The following NCOR2 variants were observed in gnomAD, a reference collection of about 807,000 sequenced individuals.
The protein encoded by NCOR2 is CTG repeat protein 26.
Under a neutral mutation model 262.9 loss-of-function variants are expected in NCOR2, and 81 were observed. The ratio of observed to expected loss-of-function variants is 0.31; its 90% CI spans 0.26 to 0.37. NCOR2 has a LOEUF of 0.37. Among genes scored for constraint, NCOR2 ranks in the 10% least tolerant of loss-of-function variants. The pLI, the probability that NCOR2 is intolerant of heterozygous loss-of-function variation, is 1.00. For missense variants in NCOR2, 3,385 were observed against 3,621.4 expected (o/e 0.93, Z 1.68); for synonymous variants, 1,659 against 1,559.3 (o/e 1.06, Z -1.51).
At chr12:124,383,537 A>G (rs1384616014) in intron 17 of NCOR2, 1 of 634,686 alleles carries the variant, frequency 1.6e-6, no homozygotes, top group African/African-American at 2.0e-5. Flanking sequence ...CCAACTCAAA[A>G]AAAAAAAAAG....
At chr12:124,474,353 T>C (rs144119852) in intron 3 of NCOR2, among the ~76,000 whole-genome samples, 68 of 152,352 alleles carry the variant, frequency 4.5e-4, no homozygotes, top group Admixed American at 1.0e-3. Flanking sequence ...ACTTTCTTCT[T>C]TTTATTTGCC....
chr12:124,428,086 TGTAC>T (rs1380311042), intron 10 of NCOR2, among the ~76,000 whole-genome samples: 28 of 147,166 alleles, frequency 1.9e-4, no homozygotes, highest in African/African-American at 6.9e-4. Flanking sequence ...TGTGTGTGTG[TGTAC>T]ATGCAACAAT....
chr12:124,486,649 G>A (rs2047780485), intron 1 of NCOR2, 81 bp from the exon 4 acceptor site: 14 of 1,463,604 alleles, frequency 9.6e-6, no homozygotes, highest in South Asian at 3.9e-5. Context: ...GGGCAAGGCC[G>A]TGGACTCCCT....
intron 1 of NCOR2, among the ~76,000 whole-genome samples, chr12:124,525,441 T>C (rs191644084): frequency 3.3e-5 from 5 of 152,358 alleles, no homozygotes; most frequent in Admixed American, 3.3e-4. Flanking sequence ...TTTTTGGCAC[T>C]GCCCATCTCC....
At chr12:124,333,419 A>C (rs1383494025) in intron 41 of NCOR2, 140 bp from the exon 44 acceptor site, 1 of 676,896 alleles carries the variant, frequency 1.5e-6, no homozygotes, top group Admixed American at 3.8e-5. Context: ...TTTCGACCAC[A>C]AGTAATCTCT....
chr12:124,430,657 G>C, exon 9 of NCOR2: 1 of 1,614,008 alleles, frequency 6.2e-7, no homozygotes, highest in Non-Finnish European at 8.5e-7. Flanking sequence ...GCGGATCTCA[G>C]GGAACTGCTT....
chr12:124,500,885 C>T (rs1001801131), intron 1 of NCOR2, among the ~76,000 whole-genome samples: 9 of 152,094 alleles, frequency 5.9e-5, no homozygotes, highest in Non-Finnish European at 1.2e-4. Context: ...AGCGCTCAGC[C>T]GCGGGCTGTG....
At chr12:124,442,212 T>C (rs2044852256) in intron 7 of NCOR2, among the ~76,000 whole-genome samples, 1 of 152,326 alleles carries the variant, frequency 6.6e-6, no homozygotes, top group South Asian at 2.1e-4. Context: ...GGCTCGATCA[T>C]GGCTCACTGC....
rs547171593 is a variant in NCOR2, at chr12:124,378,468, G to A, written c.2020-84C>T. The A allele has an allele frequency of 2.9e-6, 4 of 1,388,416 alleles. No individual in the cohort carries two copies. In the East Asian group the frequency reaches 9.9e-5, roughly 34 times the overall value. The allele number at this position is 1,388,416 out of a possible 1,614,324, so 86.0% of individuals were successfully genotyped here. A position where few individuals can be genotyped will look rare whatever the true frequency, so the allele number is the denominator to read the frequency against. ...CCCCATGCCTGGGGCCTCGCCGCAG[G>A]TGCAAAGGGCAGTGATCCCGGCCAT... is the stretch of plus-strand genomic sequence containing the variant. On this transcript the variant is annotated intron_variant, in intron 17 of 46. Transcript: ENST00000405201. The surrounding 1 kb of genome is among the most constrained non-coding windows in gnomAD (Gnocchi z 4.2).
chr12:124,414,569 C>T (rs2042759139), intron 13 of NCOR2, among the ~76,000 whole-genome samples: 1 of 152,200 alleles, frequency 6.6e-6, no homozygotes, highest in Admixed American at 6.5e-5. Flanking sequence ...GCTGAGATAA[C>T]CTAAGTCTTC....
rs372023955 is a variant in NCOR2 at position 124,415,780 on chromosome 12, G to A, written c.1482+4177C>T. 7.9e-5 allele frequency among the ~76,000 whole-genome samples: 12 copies of A among 152,210 alleles called. No homozygotes were observed. In the East Asian group the frequency reaches 2.1e-3, roughly 27 times the overall value. ...ACCACGGCTAAACCAGGACATCTCCGGTGTAAAGAGGGGCATGTTTCCTCC... is the reference window on the plus strand; with the variant it reads ...ACCACGGCTAAACCAGGACATCTCCAGTGTAAAGAGGGGCATGTTTCCTCC... On this transcript the variant is annotated intron_variant, in intron 13 of 46. Coordinates refer to ENST00000405201, the Ensembl canonical transcript of NCOR2.
intron 13 of NCOR2, among the ~76,000 whole-genome samples, chr12:124,418,713 T>C (rs529608792): frequency 8.7e-4 from 133 of 152,268 alleles, no homozygotes; most frequent in African/African-American, 3.1e-3. Flanking sequence ...CCAAAGAAGA[T>C]GGGGACTTGT....
chr12:124,353,895 CAG>C (rs1436122978), intron 27 of NCOR2, among the ~76,000 whole-genome samples, 196 bp downstream of exon 29: 1 of 152,238 alleles, frequency 6.6e-6, no homozygotes, highest in Non-Finnish European at 1.5e-5. Flanking sequence ...TCCCTGAAGG[CAG>C]AGTTTTGAGC....
Position 124,348,037 on chromosome 12 carries a change from G to A in NCOR2, c.3986-126C>T, listed in dbSNP as rs112224999. ...ATGATGGTGGAGTAGGACCCAGCAC[G>A]GGAAGGTCCCTGCGCTACCTCCAGA... is the stretch of plus-strand genomic sequence containing the variant. On this transcript the variant is annotated intron_variant, in intron 29 of 46. Coordinates refer to ENST00000405201, the Ensembl canonical transcript of NCOR2. The A allele has an allele frequency of 7.4e-4, 1,089 of 1,463,452 alleles. 8 individuals carry two copies. The African/African-American group carries it at 0.012, about 16-fold the overall frequency. 90.7% of individuals were successfully genotyped at this position (1,463,452 alleles called of 1,614,324 possible).
intron 1 of NCOR2, among the ~76,000 whole-genome samples, chr12:124,515,961 G>A (rs1012857465): frequency 6.6e-6 from 1 of 152,188 alleles, no homozygotes; most frequent in Non-Finnish European, 1.5e-5. Flanking sequence ...TCGAGTCCCT[G>A]AGGACTTTGG....
intron 1 of NCOR2, among the ~76,000 whole-genome samples, chr12:124,543,548 C>T (rs370474682): frequency 6.6e-6 from 1 of 152,224 alleles, no homozygotes; most frequent in Non-Finnish European, 1.5e-5. Flanking sequence ...ACCCCGACAG[C>T]GCCGTGGATT....
rs749640136 is a variant in NCOR2, at chr12:124,443,278, C to T, written c.816-5282G>A. ...GTGCATGCAGCCGTCTGTTTGCCACCGATGGGCAGCAACTGAGGGTGTGAA... is the reference window on the plus strand; with the variant it reads ...GTGCATGCAGCCGTCTGTTTGCCACTGATGGGCAGCAACTGAGGGTGTGAA... On this transcript the variant is annotated intron_variant, in intron 7 of 46. Transcript: ENST00000405201. The surrounding 1 kb of genome is among the most constrained non-coding windows in gnomAD (Gnocchi z 4.4). Among the ~76,000 whole-genome samples, 53 of 152,144 alleles carry T rather than the reference C, an allele frequency of 3.5e-4. No individual in the cohort carries two copies. Among genetic ancestry groups the T allele is most frequent in the Non-Finnish European group, 6.0e-4 (41 of 68,026 alleles).
chr12:124,363,026 C>CTG (rs1393300437), intron 21 of NCOR2, among the ~76,000 whole-genome samples: 2 of 152,284 alleles, frequency 1.3e-5, no homozygotes, highest in African/African-American at 4.8e-5. Flanking sequence ...CTAGAGCCTG[C>CTG]TGTGACTCTC....
intron 38 of NCOR2, chr12:124,335,973 A>T: frequency 3.5e-6 from 1 of 286,604 alleles, no homozygotes. Context: ...CTGGGGAAGG[A>T]GTGTGTGGGG....
Sources: allele counts gnomAD v4.1 joint callset (sites outside exome capture counted in the v4.1 genomes callset), GRCh38; gene constraint gnomAD v4.1.1; non-coding constraint Gnocchi (gnomAD v3.1); transcripts MANE v1.5; gene names NCBI Gene and HGNC (gene_info 2026-07-23, HGNC 2026-07-21).